The following CLCN1 variants were observed in gnomAD, a reference collection of about 807,000 sequenced individuals.
CLCN1 encodes chloride voltage-gated channel 1, also known as chloride channel protein 1.
Under a neutral mutation model 114.5 loss-of-function variants are expected in CLCN1, and 100 were observed. That is an observed-to-expected ratio of 0.87 (90% confidence interval 0.74 to 1.03). The LOEUF (loss-of-function observed/expected upper bound fraction) is 1.03. Ranked by LOEUF, CLCN1 falls within the 50% of genes least tolerant of loss-of-function variation. The probability of loss-of-function intolerance (pLI) is 0.00; values close to 1 mark genes in which losing one functional copy is unlikely to be tolerated. For missense variants in CLCN1, 1,188 were observed against 1,250.0 expected (o/e 0.95, Z 0.75); for synonymous variants, 485 against 487.1 (o/e 1.00, Z 0.06).
At position 143,346,143 on chromosome 7, in the gene CLCN1, C is replaced by A. The variant is rs1393605850; in HGVS notation, c.2176C>A (p.Pro726Thr). 6.3e-7 allele frequency: 1 copy of A among 1,594,074 alleles called. No homozygotes were observed. Among genetic ancestry groups the A allele is most frequent in the Admixed American group, 1.7e-5 (1 of 60,006 alleles). Residue 726 changes from proline to threonine, a missense_variant, in exon 18 of 23, where the codon CCT becomes ACT. Physicochemically the swap from Pro to Thr is conservative, Grantham distance 38. Transcript: ENST00000343257. ...DEDLSGKSELPPSLALHPSTT... is the reference protein window; with the variant it reads ...DEDLSGKSELTPSLALHPSTT... ...GACTTCTTACTCTTCCTTACAGCTT[C>A]CTCCTTCCCTTGCTCTCCACCCCTC...
intron 2 of CLCN1, 83 bp from the exon 3 acceptor site, chr7:143,320,581 C>G (rs1050341362): frequency 1.4e-5 from 16 of 1,142,892 alleles, no homozygotes; most frequent in Middle Eastern, 2.8e-4. Context: ...CTCTCTCTCT[C>G]TCTCTGTCTC....
chr7:143,332,524 C>T (rs1802754660), intron 11 of CLCN1, 21 bp downstream of exon 11: 4 of 1,596,668 alleles, frequency 2.5e-6, no homozygotes, highest in Non-Finnish European at 3.4e-6. Context: ...GGTGGGGCCA[C>T]ATGGTAAAGA....
chr7:143,320,585 CTG>C, intron 2 of CLCN1, 77 bp from the exon 3 acceptor site: 78 of 1,149,122 alleles, frequency 6.8e-5, no homozygotes, highest in Non-Finnish European at 8.9e-5. Flanking sequence ...CTCTCTCTCT[CTG>C]TCTCTACATA....
chr7:143,328,640 C>A (rs1185276712), intron 7 of CLCN1, among the ~76,000 whole-genome samples: 1 of 152,188 alleles, frequency 6.6e-6, no homozygotes, highest in African/African-American at 2.4e-5. Flanking sequence ...TCAAAGCTGA[C>A]TGCTTTTGTT....
chr7:143,332,404 C>G lies in CLCN1; in HGVS notation c.1167-15C>G. On this transcript the variant is annotated splice_polypyrimidine_tract_variant and intron_variant, in intron 10 of 22. Transcript: ENST00000343257. Reference sequence around the variant, plus strand: ...GTTGGCTGAATTGTGGCGGTTAACTCTGTTTCTTTTTCAGCCGCCTGCTGT... The same window carrying G: ...GTTGGCTGAATTGTGGCGGTTAACTGTGTTTCTTTTTCAGCCGCCTGCTGT... 1 of 1,607,754 alleles carries G rather than the reference C, an allele frequency of 6.2e-7. No homozygotes were observed. Among genetic ancestry groups the G allele is most frequent in the Non-Finnish European group, 8.5e-7 (1 of 1,174,160 alleles).
chr7:143,327,577 T>C (rs1422215544), intron 7 of CLCN1, among the ~76,000 whole-genome samples: 2 of 152,184 alleles, frequency 1.3e-5, no homozygotes, highest in East Asian at 3.9e-4. Context: ...TGCTAGGTAG[T>C]AAGAGACTGC....
At chr7:143,332,675 C>G in intron 11 of CLCN1, 49 bp from the exon 12 acceptor site, 1 of 1,609,514 alleles carries the variant, frequency 6.2e-7, no homozygotes, top group Non-Finnish European at 8.5e-7. Context: ...AAAAAGGAAG[C>G]ACAGGAGTTC....
chr7:143,323,943 GA>G, intron 6 of CLCN1: 1 of 450,624 alleles, frequency 2.2e-6, no homozygotes. Flanking sequence ...GCAAGACTTA[GA>G]AGGGGGTTTT....
chr7:143,344,895 C>T (rs1021739066), intron 16 of CLCN1, among the ~76,000 whole-genome samples: 6 of 151,926 alleles, frequency 3.9e-5, no homozygotes, highest in African/African-American at 1.5e-4. Flanking sequence ...GGATTACAGG[C>T]GCCTGCCACC....
chr7:143,319,108 C>T (rs944108177), intron 1 of CLCN1, among the ~76,000 whole-genome samples: 8 of 152,130 alleles, frequency 5.3e-5, no homozygotes, highest in African/African-American at 1.9e-4. Flanking sequence ...GCTGCTCTGT[C>T]CTCTTCACAT....
rs1802376496 is a variant in CLCN1, at chr7:143,319,769, CAAAG to C, written c.198_201del (p.Lys66AsnfsTer10). 1 of 1,613,808 alleles carries C rather than the reference CAAAG, an allele frequency of 6.2e-7. No homozygotes were observed. The highest frequency in any genetic ancestry group is 1.7e-5 in the Admixed American group (1 of 60,006). ...TCTCTGTCCAGATTTATGGCCATCA[CAAAG>C]AACAATTCTCAGACAGGGAGCAGGA... On this transcript the variant is annotated frameshift_variant, in exon 2 of 23. Transcript: ENST00000343257. LOFTEE classifies it high-confidence loss of function.
chr7:143,324,301 CTT>C lies in CLCN1; in HGVS notation c.775-110_775-109del. ...AGGGGACATGGGACCACAAGGACTC[CTT>C]TTGACTTAGGCCTCTCATTCTGCCT... is the stretch of plus-strand genomic sequence containing the variant. On this transcript the variant is annotated intron_variant, in intron 6 of 22. Transcript: ENST00000343257. This position sits in a 1 kb window ranked among gnomAD's most constrained non-coding sequence, Gnocchi z 4.6. 1 of 808,386 alleles carries C rather than the reference CTT, an allele frequency of 1.2e-6. No homozygotes were observed. Among genetic ancestry groups the C allele is most frequent in the Non-Finnish European group, 2.2e-6 (1 of 455,454 alleles). The allele number at this position is 808,386 out of a possible 1,614,324, so 50.1% of individuals were successfully genotyped here.
intron 12 of CLCN1, among the ~76,000 whole-genome samples, chr7:143,337,807 C>CTT (rs869078445): frequency 4.3e-5 from 2 of 46,078 alleles, no homozygotes; most frequent in African/African-American, 7.8e-5. Flanking sequence ...TTTCTCAATT[C>CTT]TTTTTTTTTT....
Position 143,331,247 on chromosome 7 carries a change from T to C in CLCN1, c.995T>C (p.Leu332Pro), listed in dbSNP as rs1303802838. 6.2e-7 allele frequency: 1 copy of C among 1,612,618 alleles called. No individual in the cohort carries two copies. The highest frequency in any genetic ancestry group is 1.1e-5 in the South Asian group (1 of 91,048). ...CATCCTACAGTCACCATCACTGCTCTGTTCAGAACCAATTTCCGAATGGAT... is the reference window on the plus strand; with the variant it reads ...CATCCTACAGTCACCATCACTGCTCCGTTCAGAACCAATTTCCGAATGGAT... ...WNKDAVTITALFRTNFRMDFP... is the reference protein window; with the variant it reads ...WNKDAVTITAPFRTNFRMDFP... The change falls in exon 9 of 23, where the codon CTG (leucine) becomes CCG (proline). Residue 332 changes from leucine to proline, a missense_variant. Physicochemically the swap from Leu to Pro is moderately conservative, Grantham distance 98. Coordinates refer to ENST00000343257, the MANE Select transcript of CLCN1 (RefSeq NM_000083.3).
chr7:143,320,564 TC>T, intron 2 of CLCN1, 99 bp from the exon 3 acceptor site: 1 of 997,932 alleles, frequency 1.0e-6, no homozygotes. Flanking sequence ...TCTCTCTCTC[TC>T]TCTCTCTCTC....
At position 143,321,663 on chromosome 7, in the gene CLCN1, C is replaced by A. The variant is rs958957213; in HGVS notation, c.563-52C>A. ...CCATTCCCATATTCTGGACATTCAT[C>A]TCCCTTTTCACCTTCACCTTGACCC... On this transcript the variant is annotated intron_variant, in intron 4 of 22. Transcript: ENST00000343257. This position sits in a 1 kb window ranked among gnomAD's most constrained non-coding sequence, Gnocchi z 4.2. 6.2e-7 allele frequency: 1 copy of A among 1,613,208 alleles called. No individual in the cohort carries two copies.
rs80356700 is a variant in CLCN1 at position 143,321,841 on chromosome 7, G to T, written c.689G>T (p.Gly230Val). ...GGCCTGGGCAGTGGCATCCCCGTGGGGAAAGAGGTAGGCCTGGCATGACTG... is the reference window on the plus strand; with the variant it reads ...GGCCTGGGCAGTGGCATCCCCGTGGTGAAAGAGGTAGGCCTGGCATGACTG... ...TAGLGSGIPV[G>V]KEGPFVHIAS... The change falls in exon 5 of 23, where the codon GGG becomes GTG. Residue 230 changes from glycine (G) to valine (V), a missense_variant. Transcript: ENST00000343257. The surrounding 1 kb of genome is among the most constrained non-coding windows in gnomAD (Gnocchi z 4.2). 1.9e-6 allele frequency: 3 copies of T among 1,614,072 alleles called. No homozygotes were observed. In the Admixed American group the frequency reaches 5.0e-5, roughly 27 times the overall value.
Position 143,332,815 on chromosome 7 carries a change from T to C in CLCN1, c.1343T>C (p.Val448Ala). The C allele has an allele frequency of 6.2e-7, 1 of 1,614,162 alleles. No homozygotes were observed. Among genetic ancestry groups the C allele is most frequent in the South Asian group, 1.1e-5 (1 of 91,082 alleles). Residue 448 changes from valine to alanine, a missense_variant, in exon 12 of 23, where the codon GTG (valine) becomes GCG (alanine). Val to Ala is a moderately conservative substitution (Grantham distance 64, BLOSUM62 0). Coordinates refer to ENST00000343257, the MANE Select transcript of CLCN1 (RefSeq NM_000083.3). ...GDPESLGQSA[V>A]WIHPRVNVVI... The stretch of plus-strand genomic sequence containing the variant: ...CCTGAGAGCCTGGGCCAGTCAGCTG[T>C]GTGGATTCACCCCCGGGTCAACGTT...
At chr7:143,331,023 A>G (rs537924332) in intron 8 of CLCN1, 126 bp downstream of exon 8, 1 of 1,375,838 alleles carries the variant, frequency 7.3e-7, no homozygotes, top group Non-Finnish European at 1.0e-6. Context: ...GGGTGGGACC[A>G]AGGCCCAAGG....
Sources: gnomAD v4.1 joint callset for allele counts (sites outside exome capture counted in the v4.1 genomes callset) on GRCh38, gnomAD v4.1.1 for gene constraint, Gnocchi (gnomAD v3.1) non-coding constraint, MANE v1.5 for transcripts, NCBI Gene and HGNC (gene_info 2026-07-23, HGNC 2026-07-21) for gene names.